Variants in RALGAPA2 observed in about 807,000 individuals in gnomAD.
RALGAPA2 encodes the protein ral GTPase-activating protein subunit alpha-2.
Under a neutral mutation model 230.4 loss-of-function variants are expected in RALGAPA2, and 139 were observed. That is an observed-to-expected ratio of 0.60 (90% CI 0.53 to 0.69). The LOEUF (loss-of-function observed/expected upper bound fraction) is 0.69. Among genes scored for constraint, RALGAPA2 ranks in the 30% least tolerant of loss-of-function variants. RALGAPA2 has a pLI of 0.00. For missense variants in RALGAPA2, 2,163 were observed against 2,276.0 expected, an observed-to-expected ratio of 0.95 and a Z score of 1.01; for synonymous variants, 847 against 837.8, an observed-to-expected ratio of 1.01 and a Z score of -0.19.
chr20:20,583,026 C>A (rs1215390935), intron 20 of RALGAPA2, 24 bp downstream of exon 20: 1 of 1,607,386 alleles, frequency 6.2e-7, no homozygotes, highest in Non-Finnish European at 8.5e-7. Flanking sequence ...TGCATTAGTG[C>A]CTCTTTTTCA....
chr20:20,702,160 AG>A (rs2069405710), intron 1 of RALGAPA2, among the ~76,000 whole-genome samples: 1 of 152,232 alleles, frequency 6.6e-6, no homozygotes. Flanking sequence ...AGATACATTC[AG>A]GGCAAGAGGA....
chr20:20,416,030 G>A (rs901277174), intron 37 of RALGAPA2, among the ~76,000 whole-genome samples: 3 of 152,196 alleles, frequency 2.0e-5, no homozygotes, highest in Non-Finnish European at 4.4e-5. Context: ...AGGTGTTGAT[G>A]TCCCCATTTT....
At chr20:20,681,356 T>C (rs976921186) in intron 1 of RALGAPA2, among the ~76,000 whole-genome samples, 1 of 152,140 alleles carries the variant, frequency 6.6e-6, no homozygotes, top group East Asian at 1.9e-4. Context: ...CCCCCACTCA[T>C]GTATGGACAC....
intron 36 of RALGAPA2, among the ~76,000 whole-genome samples, chr20:20,489,612 C>G (rs2061999724): frequency 6.7e-6 from 1 of 150,188 alleles, no homozygotes; most frequent in South Asian, 2.1e-4. Context: ...CAAACTAATA[C>G]ATTTCAAGTA....
chr20:20,549,738 C>T (rs1002831052), intron 23 of RALGAPA2, among the ~76,000 whole-genome samples: 1 of 152,212 alleles, frequency 6.6e-6, no homozygotes, highest in Non-Finnish European at 1.5e-5. Context: ...ATGCCCCACT[C>T]ATTTCTAACT....
At chr20:20,459,551 C>A (rs1402497300) in intron 37 of RALGAPA2, among the ~76,000 whole-genome samples, 1 of 151,716 alleles carries the variant, frequency 6.6e-6, no homozygotes, top group Non-Finnish European at 1.5e-5. Flanking sequence ...GACAGTCCGG[C>A]CTCTGTGCCC....
chr20:20,639,709 G>T, intron 7 of RALGAPA2, 76 bp downstream of exon 7: 2 of 1,001,486 alleles, frequency 2.0e-6, no homozygotes, highest in Non-Finnish European at 1.6e-6. Flanking sequence ...TAGATACACA[G>T]AGGGAAAAGA....
intron 23 of RALGAPA2, among the ~76,000 whole-genome samples, chr20:20,568,113 G>A (rs927419140): frequency 1.1e-4 from 17 of 151,896 alleles, no homozygotes; most frequent in African/African-American, 3.9e-4. Context: ...CAGGCAGGCC[G>A]GGTAGCCCTG....
chr20:20,629,247 C>A, intron 10 of RALGAPA2, 116 bp downstream of exon 10: 1 of 807,526 alleles, frequency 1.2e-6, no homozygotes, highest in East Asian at 2.7e-5. Context: ...TAACCCAACT[C>A]ACCAATTCTA....
rs192481244 is a variant in RALGAPA2 at position 20,497,078 on chromosome 20, A to G, written c.5209-1803T>C. ...CATTTTTTTCCTTCCTCCTTCCCAC[A>G]TAAAAGTAAAAGAATAGCAGGCAAA... On this transcript the variant is annotated intron_variant, in intron 35 of 39. Transcript: ENST00000202677. 8.5e-5 allele frequency among the ~76,000 whole-genome samples: 13 copies of G among 152,340 alleles called. 1 individual carries two copies. The East Asian group carries it at 2.5e-3, about 29-fold the overall frequency.
chr20:20,619,434 A>T lies in RALGAPA2; in HGVS notation c.1402-20T>A. The T allele has an allele frequency of 6.5e-7, 1 of 1,534,214 alleles. No individual in the cohort carries two copies. Among genetic ancestry groups the T allele is most frequent in the Non-Finnish European group, 8.8e-7 (1 of 1,135,284 alleles). ...TGAGGCCTTCAGAAGATAATGATCC[A>T]TTAACAGAGTGGAAGATGCACGTGT... On this transcript the variant is annotated intron_variant, in intron 11 of 39. Coordinates refer to ENST00000202677, the MANE Select transcript of RALGAPA2 (RefSeq NM_020343.4).
intron 37 of RALGAPA2, among the ~76,000 whole-genome samples, chr20:20,460,672 A>G (rs1326426574): frequency 6.6e-6 from 1 of 152,212 alleles, no homozygotes; most frequent in African/African-American, 2.4e-5. Flanking sequence ...CATGTTTACT[A>G]TCCTACTGAG....
intron 10 of RALGAPA2, among the ~76,000 whole-genome samples, chr20:20,622,134 C>T (rs1223472427): frequency 1.3e-5 from 2 of 151,638 alleles, no homozygotes; most frequent in East Asian, 3.9e-4. Context: ...GAAGAGAAAA[C>T]TGGAAGAAAA....
At chr20:20,598,716 A>G in intron 16 of RALGAPA2, 1 of 456,488 alleles carries the variant, frequency 2.2e-6, no homozygotes, top group South Asian at 1.6e-5. Context: ...AAGAGAGACC[A>G]GGTAAGAGAG....
intron 38 of RALGAPA2, among the ~76,000 whole-genome samples, chr20:20,410,638 G>A (rs745924076): frequency 6.6e-6 from 1 of 152,162 alleles, no homozygotes; most frequent in African/African-American, 2.4e-5. Context: ...CCCTTGAAAC[G>A]AATTTGTTTT....
chr20:20,564,527 A>C (rs1357997294), intron 23 of RALGAPA2, among the ~76,000 whole-genome samples: 1 of 152,272 alleles, frequency 6.6e-6, no homozygotes, highest in Non-Finnish European at 1.5e-5. Flanking sequence ...ATGGCAGGAA[A>C]AAATATTCAA....
chr20:20,439,941 G>C (rs1158154270), intron 37 of RALGAPA2, among the ~76,000 whole-genome samples: 1 of 152,220 alleles, frequency 6.6e-6, no homozygotes, highest in Admixed American at 6.5e-5. Context: ...TGTTCTTGCT[G>C]TTTGGGGAAA....
chr20:20,405,559 C>T (rs917297421), intron 38 of RALGAPA2, among the ~76,000 whole-genome samples: 1 of 152,206 alleles, frequency 6.6e-6, no homozygotes, highest in African/African-American at 2.4e-5. Context: ...AGAGCTGACA[C>T]TGAGGAGAGT....
In RALGAPA2 at chr20:20,392,840, G is replaced by T. The variant is rs958380554; in HGVS notation, c.*449C>A. Reference sequence around the variant, plus strand: ...GAATCATGCTTGGGTTCATAAATGAGAAGAAACAACTTGGGGTGCAGAAGC... The same window carrying T: ...GAATCATGCTTGGGTTCATAAATGATAAGAAACAACTTGGGGTGCAGAAGC... On this transcript the variant is annotated 3_prime_UTR_variant, in exon 40 of 40. Coordinates refer to ENST00000202677, the MANE Select transcript of RALGAPA2 (RefSeq NM_020343.4). 2 of 242,968 alleles carry T rather than the reference G, an allele frequency of 8.2e-6. No homozygotes were observed. The highest frequency in any genetic ancestry group is 4.6e-5 in the African/African-American group (2 of 43,108). The allele number at this position is 242,968 out of a possible 1,614,324, so 15.1% of individuals were successfully genotyped here.
Sources: allele counts gnomAD v4.1 joint callset (sites outside exome capture counted in the v4.1 genomes callset), GRCh38; gene constraint gnomAD v4.1.1; transcripts MANE v1.5; gene names NCBI Gene and HGNC (gene_info 2026-07-23, HGNC 2026-07-21).